YIPF6: variants seen among roughly 807,000 people sequenced by gnomAD.
YIPF6 encodes Yip1 domain family member 6, also known as protein YIPF6.
YIPF6 carries 3 observed loss-of-function variants against 16.8 expected under a neutral mutation model. The ratio of observed to expected loss-of-function variants is 0.18; its 90% CI spans 0.08 to 0.46. The LOEUF (loss-of-function observed/expected upper bound fraction) is 0.46. YIPF6 is among the 20% of genes least tolerant of loss of function. The pLI is 0.98. For synonymous variants in YIPF6, 67 were observed against 61.9 expected, an observed-to-expected ratio of 1.08 and a Z score of -0.38; for missense variants, 145 against 184.9, an observed-to-expected ratio of 0.78 and a Z score of 1.25.
At chrX:68,502,765 G>C (rs768999719) in intron 1 of YIPF6, among the ~76,000 whole-genome samples, 23 of 110,627 alleles carry the variant, frequency 2.1e-4, no homozygotes, top group Admixed American at 1.6e-3. Flanking sequence ...CAGAATCTTG[G>C]GTAATGCCTG....
intron 6 of YIPF6, among the ~76,000 whole-genome samples, chrX:68,524,210 C>T (rs968495747): frequency 8.1e-5 from 9 of 110,835 alleles, no homozygotes; most frequent in African/African-American, 3.0e-4. Context: ...ACTCTGTCAC[C>T]CAGGCTGGAG....
At chrX:68,509,334 A>G (rs2079071511) in intron 1 of YIPF6, among the ~76,000 whole-genome samples, 2 of 110,426 alleles carry the variant, frequency 1.8e-5, no homozygotes, top group African/African-American at 6.6e-5. Flanking sequence ...TACCCAGACT[A>G]GTCTCAAACT....
rs774097447 is a variant in YIPF6, at chrX:68,501,560, C to A, written c.57+2437C>A. Reference sequence around the variant, plus strand: ...GGGTCTACATCCAGTTAGTGCCATGCATGAAATTTGAACCTAGATCTGACT... The same window carrying A: ...GGGTCTACATCCAGTTAGTGCCATGAATGAAATTTGAACCTAGATCTGACT... On this transcript the variant is annotated intron_variant, in intron 1 of 6. Coordinates refer to ENST00000462683, the MANE Select transcript of YIPF6 (RefSeq NM_173834.4). 5.4e-5 allele frequency among the ~76,000 whole-genome samples: 6 copies of A among 111,851 alleles called. No homozygotes were observed. In the South Asian group the frequency reaches 1.9e-3, roughly 35 times the overall value.
intron 1 of YIPF6, among the ~76,000 whole-genome samples, chrX:68,503,779 T>C (rs2079049654): frequency 8.9e-6 from 1 of 112,318 alleles, no homozygotes; most frequent in Non-Finnish European, 1.9e-5. Flanking sequence ...GTTCCCACGT[T>C]CCGCTCAGGT....
intron 3 of YIPF6, among the ~76,000 whole-genome samples, chrX:68,517,602 T>G (rs899450540): frequency 8.9e-6 from 1 of 112,391 alleles, no homozygotes; most frequent in Non-Finnish European, 1.9e-5. Flanking sequence ...GAATAGCAAC[T>G]CTATATTAAT....
intron 1 of YIPF6, 100 bp downstream of exon 1, chrX:68,499,223 C>T (rs2147815647): frequency 9.6e-7 from 1 of 1,039,627 alleles, no homozygotes; most frequent in South Asian, 2.3e-5. Flanking sequence ...GGAGCTCCTT[C>T]CGCCCGGCAG....
chrX:68,520,140 C>T (rs1253044095), intron 4 of YIPF6, among the ~76,000 whole-genome samples: 1 of 111,991 alleles, frequency 8.9e-6, no homozygotes, highest in African/African-American at 3.2e-5. Flanking sequence ...CTGGTTGTCA[C>T]GACTTGGAAT....
chrX:68,528,441 C>G (rs1184179842), intron 6 of YIPF6, among the ~76,000 whole-genome samples: 1 of 111,612 alleles, frequency 9.0e-6, no homozygotes, highest in South Asian at 3.8e-4. Context: ...ATCCAATTTG[C>G]CAGTCTGTGT....
intron 1 of YIPF6, among the ~76,000 whole-genome samples, chrX:68,506,074 T>C (rs2079058464): frequency 9.0e-6 from 1 of 111,173 alleles, no homozygotes; most frequent in Non-Finnish European, 1.9e-5. Flanking sequence ...TTCTTATCTT[T>C]CATAATCTTT....
At position 68,522,745 on chromosome X, in the gene YIPF6, T is replaced by C. The variant is rs1261335492; in HGVS notation, c.435-15T>C. ...GTTGTATTTATGATCTTTATTAATG[T>C]ATTTTGTTTTTAAGATCTTTTTTTC... On this transcript the variant is annotated splice_polypyrimidine_tract_variant and intron_variant, in intron 5 of 6. Coordinates refer to ENST00000462683, the MANE Select transcript of YIPF6 (RefSeq NM_173834.4). 9 of 1,187,116 alleles carry C rather than the reference T, an allele frequency of 7.6e-6. No individual in the cohort carries two copies. The highest frequency in any genetic ancestry group is 9.1e-6 in the Non-Finnish European group (8 of 883,493).
chrX:68,504,804 C>T (rs900554196), intron 1 of YIPF6, among the ~76,000 whole-genome samples: 2 of 112,195 alleles, frequency 1.8e-5, no homozygotes, highest in East Asian at 2.8e-4. Context: ...AAGTAACCTG[C>T]TCAGTGTCAC....
Position 68,535,704 on chromosome X carries a change from C to T in YIPF6, c.*3705C>T, listed in dbSNP as rs750836787. 7.2e-5 allele frequency: 8 copies of T among 111,621 alleles called. No homozygotes were observed. In the Admixed American group the frequency reaches 7.6e-4, roughly 11 times the overall value. 9.2% of individuals were successfully genotyped at this position (111,621 alleles called of 1,213,427 possible). A position where few individuals can be genotyped will look rare whatever the true frequency, so the allele number is the denominator to read the frequency against. ...AATAATAGCTAACCTTTATTTGGCA[C>T]TTACTGTGTGCCAGGCACTATTCTA... On this transcript the variant is annotated 3_prime_UTR_variant, in exon 7 of 7. Coordinates refer to ENST00000462683, the MANE Select transcript of YIPF6 (RefSeq NM_173834.4).
chrX:68,529,490 A>G (rs780376328), intron 6 of YIPF6, among the ~76,000 whole-genome samples: 23 of 110,741 alleles, frequency 2.1e-4, no homozygotes, highest in Admixed American at 2.0e-3. Context: ...CGTCAAACTC[A>G]TTCTTCATCC....
chrX:68,510,594 A>T (rs978257853), intron 1 of YIPF6: 5 of 80,222 alleles, frequency 6.2e-5, no homozygotes, highest in African/African-American at 1.2e-4. Context: ...TATTTTATTT[A>T]TTTTATTTAT....
At chrX:68,504,672 C>G (rs2079053206) in intron 1 of YIPF6, among the ~76,000 whole-genome samples, 1 of 112,196 alleles carries the variant, frequency 8.9e-6, no homozygotes, top group African/African-American at 3.2e-5. Flanking sequence ...TGAACTTGAG[C>G]TAACATTTAT....
chrX:68,500,014 T>C (rs945528926), intron 1 of YIPF6, among the ~76,000 whole-genome samples: 21 of 112,504 alleles, frequency 1.9e-4, no homozygotes. Context: ...TGTGGACAAG[T>C]ATTTTAAGAA....
At chrX:68,509,911 G>A (rs2079073807) in intron 1 of YIPF6, among the ~76,000 whole-genome samples, 2 of 111,554 alleles carry the variant, frequency 1.8e-5, no homozygotes, top group Admixed American at 1.9e-4. Context: ...CAGGGATTCT[G>A]TACTCTTGTG....
intron 1 of YIPF6, among the ~76,000 whole-genome samples, chrX:68,508,396 G>A (rs1280459738): frequency 9.0e-6 from 1 of 111,712 alleles, no homozygotes; most frequent in Non-Finnish European, 1.9e-5. Context: ...CAGCCACTGC[G>A]GTTAGCCTAT....
intron 3 of YIPF6, among the ~76,000 whole-genome samples, chrX:68,517,270 C>T (rs1453326273): frequency 8.9e-6 from 1 of 112,022 alleles, no homozygotes; most frequent in Non-Finnish European, 1.9e-5. Flanking sequence ...GCCTCAGCCT[C>T]CCAAGTAGCT....
Sources: allele counts gnomAD v4.1 joint callset (sites outside exome capture counted in the v4.1 genomes callset), GRCh38; gene constraint gnomAD v4.1.1; transcripts MANE v1.5; gene names NCBI Gene and HGNC (gene_info 2026-07-23, HGNC 2026-07-21).